Variants in SHISA9 observed in about 807,000 individuals in gnomAD.
SHISA9 encodes shisa family member 9, also known as protein shisa-9.
A neutral mutation model predicts 38.0 loss-of-function variants in SHISA9; 13 were observed. The ratio of observed to expected loss-of-function variants is 0.34; its 90% confidence interval spans 0.22 to 0.54. The LOEUF (loss-of-function observed/expected upper bound fraction) is 0.54. SHISA9 is among the 20% of genes least tolerant of loss of function. The pLI, the probability that SHISA9 is intolerant of heterozygous loss-of-function variation, is 0.91. For synonymous variants in SHISA9, 275 were observed against 242.0 expected (o/e 1.14, Z -1.27); for missense variants, 538 against 575.8 (o/e 0.93, Z 0.67).
intron 3 of SHISA9, among the ~76,000 whole-genome samples, chr16:13,205,291 A>G (rs911760039): frequency 5.9e-5 from 9 of 152,238 alleles, no homozygotes; most frequent in Middle Eastern, 3.2e-3. Flanking sequence ...ACCAAATCCT[A>G]TTTCAAATGC....
chr16:13,122,351 C>G (rs1596662961), intron 2 of SHISA9, among the ~76,000 whole-genome samples: 1 of 152,168 alleles, frequency 6.6e-6, no homozygotes, highest in East Asian at 1.9e-4. Flanking sequence ...GTTCCTGCCT[C>G]TGGCAAGCAG....
At chr16:12,927,078 AT>A (rs1276244275) in intron 2 of SHISA9, among the ~76,000 whole-genome samples, 4 of 152,058 alleles carry the variant, frequency 2.6e-5, no homozygotes, top group Admixed American at 2.0e-4. Context: ...TTAGTGTTGA[AT>A]TTTTTCTTCT....
chr16:13,397,374 C>G, the SHISA9 span, among the ~76,000 whole-genome samples: 1 of 152,184 alleles, frequency 6.6e-6, no homozygotes. Flanking sequence ...TGAATGTTTA[C>G]AGCTCCTGAA....
At chr16:13,483,106 C>T in the SHISA9 span, among the ~76,000 whole-genome samples, 3 of 152,310 alleles carry the variant, frequency 2.0e-5, no homozygotes, top group East Asian at 5.8e-4. Context: ...ATCACAGACA[C>T]ATGTGGGTGA....
At chr16:13,047,542 C>T (rs1157124034) in intron 2 of SHISA9, among the ~76,000 whole-genome samples, 1 of 152,148 alleles carries the variant, frequency 6.6e-6, no homozygotes, top group African/African-American at 2.4e-5. Flanking sequence ...GATCCAGGAC[C>T]TGGGGATTGT....
intron 2 of SHISA9, among the ~76,000 whole-genome samples, chr16:13,050,083 T>C (rs1023099762): frequency 1.3e-5 from 2 of 152,280 alleles, no homozygotes; most frequent in African/African-American, 4.8e-5. Context: ...TATGATGATA[T>C]AGAATAACTA....
At chr16:12,997,430 A>G (rs1254869158) in intron 2 of SHISA9, among the ~76,000 whole-genome samples, 1 of 139,400 alleles carries the variant, frequency 7.2e-6, no homozygotes, top group Admixed American at 7.3e-5. Flanking sequence ...TTTTTTTTAG[A>G]CAGTCTCGCT....
chr16:13,282,910 T>A, the SHISA9 span, among the ~76,000 whole-genome samples: 5 of 152,248 alleles, frequency 3.3e-5, no homozygotes, highest in Non-Finnish European at 7.4e-5. Flanking sequence ...TTCCTTTAGG[T>A]TTTTTTAAAT....
At chr16:13,021,891 G>GT (rs2072859604) in intron 2 of SHISA9, among the ~76,000 whole-genome samples, 1 of 152,206 alleles carries the variant, frequency 6.6e-6, no homozygotes, top group African/African-American at 2.4e-5. Context: ...TAGGGCTGCC[G>GT]TAACAAATGA....
the SHISA9 span, among the ~76,000 whole-genome samples, chr16:13,366,047 C>T: frequency 2.0e-5 from 3 of 152,194 alleles, no homozygotes; most frequent in Admixed American, 2.0e-4. Context: ...CCTACTTAGT[C>T]GTTATCATCA....
At chr16:13,094,753 C>A (rs1209762097) in intron 2 of SHISA9, among the ~76,000 whole-genome samples, 6 of 152,118 alleles carry the variant, frequency 3.9e-5, no homozygotes, top group Admixed American at 3.9e-4. Flanking sequence ...GTTATATAGT[C>A]CACAAGGGCA....
At chr16:13,530,313 AAAAT>A in the SHISA9 span, among the ~76,000 whole-genome samples, 2 of 152,246 alleles carry the variant, frequency 1.3e-5, no homozygotes, top group African/African-American at 2.4e-5. Context: ...AAAATAAATA[AAAAT>A]AAATAAATAA....
the SHISA9 span, among the ~76,000 whole-genome samples, chr16:13,506,672 G>T: frequency 6.6e-6 from 1 of 151,992 alleles, no homozygotes; most frequent in African/African-American, 2.4e-5. Context: ...GAGAGAAAGG[G>T]GATTAGAAGG....
At chr16:13,019,884 CTTCTTTCTTTCTTTCT>C (rs1166778591) in intron 2 of SHISA9, among the ~76,000 whole-genome samples, 422 of 20,730 alleles carry the variant, frequency 0.02, 9 homozygotes, top group Non-Finnish European at 0.027. Context: ...CCCTCCCTCC[CTTCTTTCTTTCTTTCT>C]TTCTTTCTTT....
chr16:13,186,219 T>TTGTG (rs139364811), intron 2 of SHISA9, among the ~76,000 whole-genome samples: 4 of 149,638 alleles, frequency 2.7e-5, no homozygotes, highest in South Asian at 2.1e-4. Context: ...AAGCACATTG[T>TTGTG]TGTGTGTGTG....
intron 4 of SHISA9, among the ~76,000 whole-genome samples, chr16:13,216,042 C>A (rs558547383): frequency 6.6e-6 from 1 of 152,174 alleles, no homozygotes; most frequent in South Asian, 2.1e-4. Context: ...CCAAAATTAG[C>A]CAGGCGTGGT....
chr16:13,340,823 G>A, the SHISA9 span, among the ~76,000 whole-genome samples: 16 of 152,030 alleles, frequency 1.1e-4, no homozygotes, highest in Admixed American at 2.0e-4. Context: ...TTGCTACCGG[G>A]CCTTTGCACA....
At chr16:13,242,364 T>G (rs373987595), downstream of SHISA9, among the ~76,000 whole-genome samples, 38 of 152,320 alleles carry the variant, frequency 2.5e-4, no homozygotes, top group South Asian at 1.4e-3. Flanking sequence ...CCAATGTTTG[T>G]AACAAGCTCC....
the SHISA9 span, among the ~76,000 whole-genome samples, chr16:13,433,321 G>A: frequency 0.73 from 111,135 of 152,102 alleles, 40,800 homozygotes; most frequent in Admixed American, 0.82. Context: ...TCAGTTGCTC[G>A]TCTGTAAATC....
Sources: allele counts gnomAD v4.1 joint callset (sites outside exome capture counted in the v4.1 genomes callset), GRCh38; gene constraint gnomAD v4.1.1; transcripts MANE v1.5; gene names NCBI Gene and HGNC (gene_info 2026-07-23, HGNC 2026-07-21).